FAF2: variants seen among roughly 807,000 people sequenced by gnomAD.
The protein encoded by FAF2 is FAS-associated factor 2.
FAF2 carries 9 observed loss-of-function variants against 62.3 expected under a neutral mutation model. That is an observed-to-expected ratio of 0.14 (90% confidence interval 0.09 to 0.25). The LOEUF (loss-of-function observed/expected upper bound fraction) is 0.25, where lower values mean the gene tolerates loss of function less well. Ranked by LOEUF, FAF2 falls within the 10% of genes least tolerant of loss-of-function variation. The pLI is 1.00. For synonymous variants in FAF2, 202 were observed against 198.0 expected (o/e 1.02, Z -0.17); for missense variants, 368 against 556.2 (o/e 0.66, Z 3.40).
intron 2 of FAF2, among the ~76,000 whole-genome samples, chr5:176,485,499 C>G (rs918353832): frequency 1.3e-5 from 2 of 152,178 alleles, no homozygotes; most frequent in African/African-American, 4.8e-5. Context: ...AGGGAAAGAT[C>G]AGACATCTCT....
chr5:176,492,063 C>A, intron 4 of FAF2, 131 bp from the exon 5 acceptor site: 1 of 950,480 alleles, frequency 1.1e-6, no homozygotes, highest in Non-Finnish European at 1.7e-6. Flanking sequence ...ATTTGATGGT[C>A]CACTCACAGA....
At chr5:176,495,510 ATTTT>A (rs55981414) in intron 7 of FAF2, among the ~76,000 whole-genome samples, 51 of 132,884 alleles carry the variant, frequency 3.8e-4, no homozygotes, top group Non-Finnish European at 4.5e-4. Context: ...TTGGACACCA[ATTTT>A]TTTTTTTTTT....
At chr5:176,451,019 A>T (rs1758156948) in intron 1 of FAF2, among the ~76,000 whole-genome samples, 1 of 152,212 alleles carries the variant, frequency 6.6e-6, no homozygotes, top group East Asian at 1.9e-4. Flanking sequence ...GTTGAAACTT[A>T]TTAGATGCCA....
intron 3 of FAF2, among the ~76,000 whole-genome samples, chr5:176,487,986 G>A (rs1254796475): frequency 6.6e-6 from 1 of 152,046 alleles, no homozygotes; most frequent in African/African-American, 2.4e-5. Flanking sequence ...GGGATTACAG[G>A]CGCCCACCAC....
intron 10 of FAF2, among the ~76,000 whole-genome samples, chr5:176,505,005 A>G (rs2113749885): frequency 6.8e-6 from 1 of 146,134 alleles, no homozygotes; most frequent in African/African-American, 2.5e-5. Flanking sequence ...CCTGGGCGAC[A>G]GAGCAAGACC....
chr5:176,496,725 C>G, intron 8 of FAF2, 62 bp downstream of exon 8: 1 of 1,317,052 alleles, frequency 7.6e-7, no homozygotes, highest in Non-Finnish European at 1.0e-6. Flanking sequence ...GGGCTGACCT[C>G]TGGGGCTCTA....
chr5:176,473,933 T>C (rs1758618039), intron 1 of FAF2, among the ~76,000 whole-genome samples: 1 of 152,174 alleles, frequency 6.6e-6, no homozygotes, highest in African/African-American at 2.4e-5. Context: ...CAAGATTCTC[T>C]AGGCACATCT....
intron 9 of FAF2, 150 bp from the exon 10 acceptor site, chr5:176,499,853 T>A (rs1225697375): frequency 1.4e-5 from 12 of 845,290 alleles, no homozygotes; most frequent in Non-Finnish European, 2.0e-5. Context: ...AATTGTACTT[T>A]AAATTTAGGT....
Position 176,448,488 on chromosome 5 carries a change from G to A in FAF2, c.63+18G>A, listed in dbSNP as rs1462620822. 52 of 1,584,134 alleles carry A rather than the reference G, an allele frequency of 3.3e-5. No individual in the cohort carries two copies. Among genetic ancestry groups the A allele is most frequent in the Non-Finnish European group, 4.4e-5 (51 of 1,165,340 alleles). ...AGTTTCAGGTAGCAGCGAGTACTCG[G>A]TGCAGCAGATGCCTCCGTGGGATGG... On this transcript the variant is annotated intron_variant, in intron 1 of 10. Coordinates refer to ENST00000261942, the MANE Select transcript of FAF2 (RefSeq NM_014613.3).
At chr5:176,475,385 G>T (rs1448822005) in intron 1 of FAF2, among the ~76,000 whole-genome samples, 1 of 152,100 alleles carries the variant, frequency 6.6e-6, no homozygotes, top group Non-Finnish European at 1.5e-5. Flanking sequence ...ACCCACCTTG[G>T]CTTCCCACAG....
intron 1 of FAF2, among the ~76,000 whole-genome samples, chr5:176,466,545 C>G (rs892703452): frequency 1.3e-5 from 2 of 152,212 alleles, no homozygotes; most frequent in Non-Finnish European, 2.9e-5. Flanking sequence ...CCTGGTTACC[C>G]AATCCCTATC....
At chr5:176,459,705 GTGGTTGT>G (rs930560426) in intron 1 of FAF2, among the ~76,000 whole-genome samples, 14 of 152,122 alleles carry the variant, frequency 9.2e-5, no homozygotes, top group African/African-American at 3.4e-4. Flanking sequence ...GGGTGTGGGT[GTGGTTGT>G]TTTGTTTTGT....
At chr5:176,469,795 G>A (rs1004098228) in intron 1 of FAF2, among the ~76,000 whole-genome samples, 1 of 152,202 alleles carries the variant, frequency 6.6e-6, no homozygotes, top group Non-Finnish European at 1.5e-5. Context: ...TAGCCAGTTA[G>A]AGTATTGTAT....
intron 1 of FAF2, among the ~76,000 whole-genome samples, chr5:176,463,101 A>C (rs1758406092): frequency 6.6e-6 from 1 of 152,128 alleles, no homozygotes; most frequent in Admixed American, 6.6e-5. Flanking sequence ...CTAGAATAGG[A>C]ATTAATAGGG....
At chr5:176,496,736 C>A in intron 8 of FAF2, 73 bp downstream of exon 8, 1 of 1,177,696 alleles carries the variant, frequency 8.5e-7, no homozygotes. Flanking sequence ...TGGGGCTCTA[C>A]CAATCCTGAC....
chr5:176,492,944 G>C (rs1758999030), intron 5 of FAF2, among the ~76,000 whole-genome samples: 1 of 152,176 alleles, frequency 6.6e-6, no homozygotes, highest in South Asian at 2.1e-4. Flanking sequence ...ATAGACCATA[G>C]ACTCAGGGTA....
At chr5:176,471,170 A>G (rs958370951) in intron 1 of FAF2, among the ~76,000 whole-genome samples, 1 of 152,064 alleles carries the variant, frequency 6.6e-6, no homozygotes, top group African/African-American at 2.4e-5. Flanking sequence ...CTGTCATTCT[A>G]TTCTATGCCA....
chr5:176,467,795 A>T (rs1277618099), intron 1 of FAF2, among the ~76,000 whole-genome samples: 4 of 152,106 alleles, frequency 2.6e-5, no homozygotes, highest in Non-Finnish European at 4.4e-5. Flanking sequence ...ATTGTTGAGG[A>T]AAATGTGAAG....
rs1259006266 is a variant in FAF2, at chr5:176,488,962, A to G, written c.279A>G (p.Gly93=). 1 of 1,613,818 alleles carries G rather than the reference A, an allele frequency of 6.2e-7. No individual in the cohort carries two copies. The highest frequency in any genetic ancestry group is 1.3e-5 in the African/African-American group (1 of 74,906). ...TTTTGGACTTTCAGGGGCTGCTTGG[A>G]TGGGGTTATTACTTGATAATGCTTC... ...VSRPQPRGLL[G]WGYYLIMLPF... is the part of the protein sequence containing the mutation. Residue 93 remains glycine, a synonymous_variant, in exon 4 of 11, where the codon GGA becomes GGG. Coordinates refer to ENST00000261942, the MANE Select transcript of FAF2 (RefSeq NM_014613.3).
Sources: allele counts gnomAD v4.1 joint callset (sites outside exome capture counted in the v4.1 genomes callset), GRCh38; gene constraint gnomAD v4.1.1; transcripts MANE v1.5; gene names NCBI Gene and HGNC (gene_info 2026-07-23, HGNC 2026-07-21).